The following USP34 variants were observed in gnomAD, a reference collection of about 807,000 sequenced individuals.
USP34 encodes ubiquitin specific peptidase 34.
Under a neutral mutation model 460.3 loss-of-function variants are expected in USP34, and 70 were observed. The ratio of observed to expected loss-of-function variants is 0.15; its 90% CI spans 0.13 to 0.19. The LOEUF is 0.19. Ranked by LOEUF, USP34 falls within the 10% of genes least tolerant of loss-of-function variation. The pLI is 1.00. For missense variants in USP34, 3,985 were observed against 4,236.2 expected (o/e 0.94, Z 1.65); for synonymous variants, 1,647 against 1,405.3 (o/e 1.17, Z -3.85).
intron 10 of USP34, among the ~76,000 whole-genome samples, chr2:61,367,102 T>C (rs1239302517): frequency 6.6e-6 from 1 of 152,072 alleles, no homozygotes; most frequent in Non-Finnish European, 1.5e-5. Context: ...GATATGAATA[T>C]GTAACAGAGG....
chr2:61,228,376 A>C (rs1687792443), intron 61 of USP34, among the ~76,000 whole-genome samples: 1 of 152,242 alleles, frequency 6.6e-6, no homozygotes, highest in African/African-American at 2.4e-5. Context: ...ACTATTGATA[A>C]GACCCTAAAG....
chr2:61,288,192 G>A (rs1042326633), intron 34 of USP34, among the ~76,000 whole-genome samples: 1 of 152,082 alleles, frequency 6.6e-6, no homozygotes, highest in Non-Finnish European at 1.5e-5. Context: ...CCTAAACCCC[G>A]GTTTAACAGG....
At chr2:61,338,840 A>G (rs946845863) in intron 18 of USP34, among the ~76,000 whole-genome samples, 3 of 152,236 alleles carry the variant, frequency 2.0e-5, no homozygotes, top group African/African-American at 4.8e-5. Context: ...GAGGTATGAC[A>G]AAAGAACTGT....
At chr2:61,338,992 C>A (rs1691509602) in intron 18 of USP34, among the ~76,000 whole-genome samples, 1 of 152,158 alleles carries the variant, frequency 6.6e-6, no homozygotes, top group African/African-American at 2.4e-5. Context: ...TAAAATTTCA[C>A]TTAACTTATT....
intron 49 of USP34, 43 bp downstream of exon 49, chr2:61,248,468 A>G: frequency 6.7e-7 from 1 of 1,495,836 alleles, no homozygotes; most frequent in South Asian, 1.4e-5. Context: ...TGTTATGGAG[A>G]TTGACAATAA....
chr2:61,254,620 T>C (rs1260574625), intron 48 of USP34, among the ~76,000 whole-genome samples: 1 of 152,256 alleles, frequency 6.6e-6, no homozygotes, highest in Non-Finnish European at 1.5e-5. Context: ...TTAAAATGTT[T>C]ACTCAACTAC....
intron 18 of USP34, among the ~76,000 whole-genome samples, chr2:61,338,355 C>A (rs1445121706): frequency 6.6e-6 from 1 of 152,184 alleles, no homozygotes; most frequent in Non-Finnish European, 1.5e-5. Flanking sequence ...AAGGAGGCAA[C>A]TGATTCATTT....
At chr2:61,442,940 A>AAT (rs1199601278) in intron 1 of USP34, among the ~76,000 whole-genome samples, 1 of 110,538 alleles carries the variant, frequency 9.0e-6, no homozygotes, top group Non-Finnish European at 2.1e-5. Flanking sequence ...CACACAGAGG[A>AAT]ATATTATACA....
chr2:61,259,924 T>C (rs1255169930), intron 43 of USP34, 148 bp from the exon 44 acceptor site: 5 of 608,242 alleles, frequency 8.2e-6, no homozygotes, highest in Middle Eastern at 4.2e-4. Flanking sequence ...TTCAATTCTT[T>C]AGTAATTATA....
At chr2:61,256,274 G>C (rs762980139) in intron 48 of USP34, 110 bp downstream of exon 48, 1 of 978,938 alleles carries the variant, frequency 1.0e-6, no homozygotes, top group South Asian at 1.5e-5. Context: ...CCATGCAGCT[G>C]ATTTTACCTT....
rs374255870 is a variant in USP34, at chr2:61,278,152, T to G, written c.5433+13A>C. On this transcript the variant is annotated intron_variant, in intron 41 of 79. Coordinates refer to ENST00000398571, the MANE Select transcript of USP34 (RefSeq NM_014709.4). ...CACATTTCATAGAAACATTTGATTA[T>G]CTTAACACTTACCTGTCCTTCCCTT... 1 of 1,610,626 alleles carries G rather than the reference T, an allele frequency of 6.2e-7. No individual in the cohort carries two copies. Among genetic ancestry groups the G allele is most frequent in the South Asian group, 1.1e-5 (1 of 90,512 alleles).
intron 25 of USP34, among the ~76,000 whole-genome samples, chr2:61,313,948 T>C (rs1690670117): frequency 6.6e-6 from 1 of 152,114 alleles, no homozygotes; most frequent in Admixed American, 6.5e-5. Flanking sequence ...TTAGTACTTT[T>C]ACATTTGCTC....
intron 7 of USP34, among the ~76,000 whole-genome samples, chr2:61,378,935 A>AAAAAAAAAAAC (rs1692885394): frequency 6.2e-5 from 9 of 146,112 alleles, no homozygotes; most frequent in Non-Finnish European, 1.1e-4. Context: ...AAAAAAAAAA[A>AAAAAAAAAAAC]AACAACACTA....
chr2:61,203,423 T>C (rs1480673097), intron 74 of USP34, among the ~76,000 whole-genome samples, 160 bp from the exon 75 acceptor site: 1 of 152,138 alleles, frequency 6.6e-6, no homozygotes, highest in Non-Finnish European at 1.5e-5. Context: ...ATGATCTTAA[T>C]TGTCGTAAGT....
chr2:61,407,809 C>T (rs1693922047), intron 2 of USP34, among the ~76,000 whole-genome samples: 1 of 152,118 alleles, frequency 6.6e-6, no homozygotes, highest in Admixed American at 6.6e-5. Flanking sequence ...AGTACCAAGA[C>T]CTCTCATTAA....
chr2:61,243,305 C>T (rs578207095), intron 51 of USP34, among the ~76,000 whole-genome samples: 1 of 152,200 alleles, frequency 6.6e-6, no homozygotes, highest in South Asian at 2.1e-4. Context: ...CGCCACCACG[C>T]CCGGCTAATT....
chr2:61,276,226 T>C (rs1267785154), intron 41 of USP34, among the ~76,000 whole-genome samples: 1 of 152,224 alleles, frequency 6.6e-6, no homozygotes, highest in Non-Finnish European at 1.5e-5. Flanking sequence ...ATGTATCCTT[T>C]TGTATACTAA....
chr2:61,352,481 G>A (rs1397949649), intron 10 of USP34, among the ~76,000 whole-genome samples: 2 of 151,724 alleles, frequency 1.3e-5, no homozygotes, highest in East Asian at 3.9e-4. Flanking sequence ...GTATTAATCT[G>A]CCACTTGGTT....
Position 61,188,146 on chromosome 2 carries a change from C to G in USP34, c.10597G>C (p.Val3533Leu). The change falls in exon 80 of 80, where the codon GTC (valine) becomes CTC (leucine). Residue 3533 changes from valine (V) to leucine (L), a missense_variant. Val to Leu is a conservative substitution (Grantham distance 32, BLOSUM62 1). Coordinates refer to ENST00000398571, the MANE Select transcript of USP34 (RefSeq NM_014709.4). ...CCTTTGCCAGATATCCTTGTGACGACATGGATTGTAGATTCAATGGTCCTA... is the reference window on the plus strand; with the variant it reads ...CCTTTGCCAGATATCCTTGTGACGAGATGGATTGTAGATTCAATGGTCCTA... ...LCRTIESTIH[V>L]VTRISGKGNQ... The G allele has an allele frequency of 1.2e-6, 2 of 1,613,932 alleles. No homozygotes were observed. Among genetic ancestry groups the G allele is most frequent in the Non-Finnish European group, 1.7e-6 (2 of 1,179,978 alleles).
Sources: allele counts gnomAD v4.1 joint callset (sites outside exome capture counted in the v4.1 genomes callset), GRCh38; gene constraint gnomAD v4.1.1; transcripts MANE v1.5; gene names NCBI Gene and HGNC (gene_info 2026-07-23, HGNC 2026-07-21).